The following GSDMA variants were observed in gnomAD, a reference collection of about 807,000 sequenced individuals.
GSDMA encodes the protein gasdermin A.
In GSDMA, 55 loss-of-function variants were observed where a neutral mutation model predicts 54.3. That is an observed-to-expected ratio of 1.01 (90% CI 0.82 to 1.27). The LOEUF (loss-of-function observed/expected upper bound fraction) is 1.27, where lower values mean the gene tolerates loss of function less well. Ranked by LOEUF, GSDMA falls within the 50% of genes most tolerant of loss-of-function variation. GSDMA has a pLI of 0.00. For missense variants in GSDMA, 542 were observed against 542.6 expected, an observed-to-expected ratio of 1.00 and a Z score of 0.01; for synonymous variants, 211 against 224.7, an observed-to-expected ratio of 0.94 and a Z score of 0.54.
In GSDMA at chr17:39,970,658, A is replaced by AAC. The variant is rs58338887; in HGVS notation, c.558+36_558+37dup. ...CCATTGGGGCTACAGGTTTGATTCA[A>AAC]ACACACACACACACACACACACACA... is the stretch of plus-strand genomic sequence containing the variant. On this transcript the variant is annotated intron_variant, in intron 4 of 11. Coordinates refer to ENST00000301659, the MANE Select transcript of GSDMA (RefSeq NM_178171.5). 7,755 of 1,352,644 alleles carry AAC rather than the reference A, an allele frequency of 5.7e-3. 4 individuals are homozygous for AAC. The highest frequency in any genetic ancestry group is 6.8e-3 in the Non-Finnish European group (7,009 of 1,027,832). 83.8% of individuals were successfully genotyped at this position (1,352,644 alleles called of 1,614,324 possible). A position where few individuals can be genotyped will look rare whatever the true frequency, so the allele number is the denominator to read the frequency against.
chr17:39,968,339 C>CTTTTTTTTTTT lies in GSDMA; in HGVS notation c.392+1918_392+1928dup, dbSNP rs60315845. 2.3e-3 allele frequency among the ~76,000 whole-genome samples: 94 copies of CTTTTTTTTTTT among 41,364 alleles called. 26 individuals are homozygous for CTTTTTTTTTTT. Among genetic ancestry groups the CTTTTTTTTTTT allele is most frequent in the African/African-American group, 0.012 (73 of 6,184 alleles). The allele number at this position is 41,364 out of a possible 152,430, so 27.1% of individuals were successfully genotyped here. A position where few individuals can be genotyped will look rare whatever the true frequency, so the allele number is the denominator to read the frequency against. On this transcript the variant is annotated intron_variant, in intron 3 of 11. Coordinates refer to ENST00000301659, the MANE Select transcript of GSDMA (RefSeq NM_178171.5). The stretch of plus-strand genomic sequence containing the variant: ...ACAGGCGTGAGCCACTGAGCCCGGT[C>CTTTTTTTTTTT]TTTTTTTTTTTTTTTTTTTTTTTTT...
intron 9 of GSDMA, 54 bp downstream of exon 9, chr17:39,974,481 A>G (rs2144797089): frequency 2.6e-6 from 3 of 1,172,916 alleles, no homozygotes; most frequent in East Asian, 6.5e-5. Context: ...TTTGGTGAAG[A>G]TTTGGTGGGG....
intron 7 of GSDMA, among the ~76,000 whole-genome samples, chr17:39,973,459 A>G (rs1484432068): frequency 2.0e-5 from 3 of 150,922 alleles, no homozygotes; most frequent in Non-Finnish European, 3.0e-5. Context: ...ATGGGGTTTC[A>G]CCATGTTGGC....
chr17:39,965,598 C>G (rs1008829141), intron 1 of GSDMA, 85 bp from the exon 2 acceptor site: 79 of 966,348 alleles, frequency 8.2e-5, no homozygotes, highest in South Asian at 7.5e-4. Flanking sequence ...GGTAAACTCT[C>G]TCTGCAGGGG....
intron 3 of GSDMA, among the ~76,000 whole-genome samples, chr17:39,969,442 A>G (rs928738542): frequency 6.6e-6 from 1 of 152,126 alleles, no homozygotes; most frequent in African/African-American, 2.4e-5. Flanking sequence ...ATCTTACAGA[A>G]CATAAAATTT....
intron 3 of GSDMA, 25 bp downstream of exon 3, chr17:39,966,462 C>G: frequency 6.4e-7 from 1 of 1,567,748 alleles, no homozygotes; most frequent in Non-Finnish European, 8.6e-7. Context: ...GACTGAGGGT[C>G]TCCCGGGATG....
chr17:39,972,320 G>C lies in GSDMA; in HGVS notation c.703+144G>C, dbSNP rs1376110394. On this transcript the variant is annotated intron_variant, in intron 6 of 11. Transcript: ENST00000301659. ...TTTCCCAAGTCCCTAAGAATACCTA[G>C]CCTCAACTTTAGAAAGACAGATAGA... The C allele has an allele frequency of 1.0e-5, 6 of 590,532 alleles. No homozygotes were observed. The Middle Eastern group carries it at 9.0e-4, about 89-fold the overall frequency. 36.6% of individuals were successfully genotyped at this position (590,532 alleles called of 1,614,324 possible).
rs182530956 is a variant in GSDMA, at chr17:39,968,822, C to T, written c.393-1660C>T. Reference sequence around the variant, plus strand: ...GAAAGGGTTTTGTCAAAGGTGACTGCGAGATTTTACCCAGGTTGTGACATT... The same window carrying T: ...GAAAGGGTTTTGTCAAAGGTGACTGTGAGATTTTACCCAGGTTGTGACATT... On this transcript the variant is annotated intron_variant, in intron 3 of 11. Transcript: ENST00000301659. Among the ~76,000 whole-genome samples the T allele has an allele frequency of 2.6e-5, 4 of 151,990 alleles. 1 individual carries two copies. Among genetic ancestry groups the T allele is most frequent in the South Asian group, 4.2e-4 (2 of 4,818 alleles).
chr17:39,964,853 G>T (rs931573391), intron 1 of GSDMA, among the ~76,000 whole-genome samples: 61 of 152,138 alleles, frequency 4.0e-4, no homozygotes, highest in African/African-American at 1.3e-3. Flanking sequence ...TAGACCAGGC[G>T]CAGTGGCTCA....
intron 2 of GSDMA, 71 bp downstream of exon 2, chr17:39,965,972 G>C: frequency 7.2e-7 from 1 of 1,381,980 alleles, no homozygotes; most frequent in Non-Finnish European, 9.9e-7. Context: ...CCTGCAAGGA[G>C]GACCTCAAAG....
intron 7 of GSDMA, among the ~76,000 whole-genome samples, chr17:39,973,047 C>G (rs1980028098): frequency 6.6e-6 from 1 of 152,158 alleles, no homozygotes. Flanking sequence ...TCTCAGTCCA[C>G]TGCAACCTCC....
intron 3 of GSDMA, among the ~76,000 whole-genome samples, chr17:39,969,516 G>A (rs1322609452): frequency 6.6e-6 from 1 of 152,106 alleles, no homozygotes; most frequent in East Asian, 1.9e-4. Context: ...GGAACTAGAA[G>A]TACTGGAGTT....
At position 39,970,632 on chromosome 17, in the gene GSDMA, C is replaced by T; in HGVS notation, c.543C>T (p.Ala181=). 6.5e-7 allele frequency: 1 copy of T among 1,546,378 alleles called. No homozygotes were observed. Among genetic ancestry groups the T allele is most frequent in the South Asian group, 1.2e-5 (1 of 82,170 alleles). ...AEACFSLPFF[A]PLGLQGSINH... ...CCTGCTTCTCCCTCCCCTTCTTCGCCCCATTGGGGCTACAGGTTTGATTCA... is the reference window on the plus strand; with the variant it reads ...CCTGCTTCTCCCTCCCCTTCTTCGCTCCATTGGGGCTACAGGTTTGATTCA... The change falls in exon 4 of 12, where the codon GCC becomes GCT. Residue 181 remains alanine (A), a synonymous_variant. Coordinates refer to ENST00000301659, the MANE Select transcript of GSDMA (RefSeq NM_178171.5).
Position 39,972,138 on chromosome 17 carries a change from A to C in GSDMA, c.665A>C (p.His222Pro). 1 of 1,540,068 alleles carries C rather than the reference A, an allele frequency of 6.5e-7. No homozygotes were observed. The highest frequency in any genetic ancestry group is 8.9e-7 in the Non-Finnish European group (1 of 1,125,784). The change falls in exon 6 of 12, where the codon CAT (histidine) becomes CCT (proline). Residue 222 changes from histidine (H) to proline (P), a missense_variant. Coordinates refer to ENST00000301659, the MANE Select transcript of GSDMA (RefSeq NM_178171.5). ...VKGKDEWDIP[H>P]ICNDNMQTFP... The stretch of plus-strand genomic sequence containing the variant: ...CCCTTGCCCTTCACAGATATTCCAC[A>C]TATCTGCAATGATAACATGCAAACC...
At chr17:39,975,782 A>G in intron 10 of GSDMA, 142 bp from the exon 11 acceptor site, 1 of 545,056 alleles carries the variant, frequency 1.8e-6, no homozygotes, top group Non-Finnish European at 3.2e-6. Context: ...ACCAAAGTGG[A>G]CCCCTCAGCT....
intron 9 of GSDMA, among the ~76,000 whole-genome samples, 200 bp downstream of exon 9, chr17:39,974,627 G>A (rs1195897719): frequency 4.6e-5 from 7 of 152,134 alleles, no homozygotes; most frequent in Admixed American, 6.5e-5. Context: ...TTTGTCCCCT[G>A]GAAAAGGGCA....
At chr17:39,970,385 C>G in intron 3 of GSDMA, 97 bp from the exon 4 acceptor site, 1 of 1,190,158 alleles carries the variant, frequency 8.4e-7, no homozygotes, top group Non-Finnish European at 1.1e-6. Flanking sequence ...CCTGCCACCA[C>G]AATGTCTAGT....
rs188631653 is a variant in GSDMA at position 39,975,310 on chromosome 17, G to A, written c.1021+296G>A. On this transcript the variant is annotated intron_variant, in intron 10 of 11. Coordinates refer to ENST00000301659, the MANE Select transcript of GSDMA (RefSeq NM_178171.5). ...CCAAAAATAGAAAAATTAGCCGGGC[G>A]TGGTGGCAGGTGCCTGTAATCCCAG... is the stretch of plus-strand genomic sequence containing the variant. Among the ~76,000 whole-genome samples the A allele has an allele frequency of 8.6e-3, 1,315 of 152,170 alleles. 13 individuals carry two copies. Among genetic ancestry groups the A allele is most frequent in the African/African-American group, 0.03 (1,244 of 41,496 alleles).
Position 39,968,339 on chromosome 17 carries a change from C to CTTTTTTTTTTTTTTTTTTTTTTTTT in GSDMA, c.392+1904_392+1928dup, listed in dbSNP as rs60315845. Among the ~76,000 whole-genome samples, 2 of 41,358 alleles carry CTTTTTTTTTTTTTTTTTTTTTTTTT rather than the reference C, an allele frequency of 4.8e-5. 1 individual carries two copies. The allele number at this position is 41,358 out of a possible 152,430, so 27.1% of individuals were successfully genotyped here. A position where few individuals can be genotyped will look rare whatever the true frequency, so the allele number is the denominator to read the frequency against. On this transcript the variant is annotated intron_variant, in intron 3 of 11. Coordinates refer to ENST00000301659, the MANE Select transcript of GSDMA (RefSeq NM_178171.5). ...ACAGGCGTGAGCCACTGAGCCCGGT[C>CTTTTTTTTTTTTTTTTTTTTTTTTT]TTTTTTTTTTTTTTTTTTTTTTTTT...
Sources: gnomAD v4.1 joint callset for allele counts (sites outside exome capture counted in the v4.1 genomes callset) on GRCh38, gnomAD v4.1.1 for gene constraint, MANE v1.5 for transcripts, NCBI Gene and HGNC (gene_info 2026-07-23, HGNC 2026-07-21) for gene names.